Variants in NOX4 observed in about 807,000 individuals in gnomAD.
NOX4 encodes kidney oxidase-1.
A neutral mutation model predicts 87.6 loss-of-function variants in NOX4; 69 were observed. That is an observed-to-expected ratio of 0.79 (90% CI 0.65 to 0.96). NOX4 has a LOEUF of 0.96. Ranked by LOEUF, NOX4 falls within the 40% of genes least tolerant of loss-of-function variation. NOX4 has a pLI of 0.00. For missense variants in NOX4, 680 were observed against 681.5 expected (o/e 1.00, Z 0.02); for synonymous variants, 275 against 238.2 (o/e 1.15, Z -1.42).
chr11:89,371,087 T>C (rs1834489248), intron 12 of NOX4, among the ~76,000 whole-genome samples: 1 of 152,026 alleles, frequency 6.6e-6, no homozygotes, highest in African/African-American at 2.4e-5. Context: ...TTTTAATCAA[T>C]TCTTTTAGAA....
intron 12 of NOX4, among the ~76,000 whole-genome samples, chr11:89,362,636 A>G (rs112620650): frequency 3.3e-5 from 5 of 151,980 alleles, no homozygotes; most frequent in African/African-American, 1.2e-4. Context: ...GTGTGTGTGT[A>G]TATATAGATA....
intron 7 of NOX4, among the ~76,000 whole-genome samples, chr11:89,426,439 G>A (rs1397031527): frequency 6.6e-6 from 1 of 152,002 alleles, no homozygotes; most frequent in African/African-American, 2.4e-5. Context: ...CCTCACCTGG[G>A]AAGCGCAAGG....
chr11:89,518,145 CA>C, the NOX4 span, among the ~76,000 whole-genome samples: 1 of 151,872 alleles, frequency 6.6e-6, no homozygotes, highest in Non-Finnish European at 1.5e-5. Flanking sequence ...AAAGTTGAAA[CA>C]CACTTAAGAA....
the NOX4 span, among the ~76,000 whole-genome samples, chr11:89,587,108 G>A: frequency 2.0e-5 from 3 of 152,126 alleles, no homozygotes; most frequent in South Asian, 6.2e-4. Context: ...CAGAATTGTT[G>A]AGGAAAAAGA....
the NOX4 span, among the ~76,000 whole-genome samples, chr11:89,531,590 G>T: frequency 2.0e-5 from 3 of 152,164 alleles, no homozygotes; most frequent in Non-Finnish European, 4.4e-5. Context: ...GGTCATGGGG[G>T]CAGTTTTCCC....
chr11:89,521,905 T>A, the NOX4 span, among the ~76,000 whole-genome samples: 14 of 151,978 alleles, frequency 9.2e-5, no homozygotes, highest in Admixed American at 3.3e-4. Context: ...AGAAGACATA[T>A]AAGTAGCCAA....
intron 2 of NOX4, 40 bp from the exon 3 acceptor site, chr11:89,451,935 G>A (rs1212565684): frequency 1.5e-6 from 2 of 1,374,928 alleles, no homozygotes; most frequent in Non-Finnish European, 2.1e-6. Flanking sequence ...GTTAAGGACA[G>A]TAGTAAAGCC....
At chr11:89,412,528 C>T (rs1942534149) in intron 8 of NOX4, among the ~76,000 whole-genome samples, 1 of 152,018 alleles carries the variant, frequency 6.6e-6, no homozygotes, top group Admixed American at 6.6e-5. Context: ...TATACAAATA[C>T]ACAGAAATTT....
chr11:89,391,778 TGAGATTATA>T (rs964425910), intron 11 of NOX4, among the ~76,000 whole-genome samples: 3 of 149,612 alleles, frequency 2.0e-5, no homozygotes, highest in African/African-American at 7.4e-5. Flanking sequence ...AAAAAATTAA[TGAGATTATA>T]TATTAAAGAA....
At chr11:89,559,674 T>C in the NOX4 span, among the ~76,000 whole-genome samples, 3 of 152,182 alleles carry the variant, frequency 2.0e-5, no homozygotes, top group African/African-American at 4.8e-5. Context: ...TGTATTACCA[T>C]TGCTTTAAAT....
chr11:89,512,449 G>C, the NOX4 span, among the ~76,000 whole-genome samples: 5 of 151,928 alleles, frequency 3.3e-5, no homozygotes, highest in African/African-American at 1.2e-4. Context: ...TCTAGACCCT[G>C]ATAATTACCA....
chr11:89,490,506 C>G lies in NOX4; in HGVS notation c.105G>C (p.Leu35Phe). The change falls in exon 2 of 18, where the codon TTG becomes TTC. Residue 35 changes from leucine (L) to phenylalanine (F), a missense_variant. Physicochemically the swap from Leu to Phe is conservative, Grantham distance 22. Coordinates refer to ENST00000263317, the MANE Select transcript of NOX4 (RefSeq NM_016931.5). The part of the protein sequence containing the change: ...MNVLLFWKTF[L>F]LYNQGPEYHY... Reference sequence around the variant, plus strand: ...GATACTCTGGCCCTTGGTTATACAGCAAGAAGGTTTTCCAGAAAAGCAGGA... The same window carrying G: ...GATACTCTGGCCCTTGGTTATACAGGAAGAAGGTTTTCCAGAAAAGCAGGA... 6.2e-7 allele frequency: 1 copy of G among 1,614,014 alleles called. No individual in the cohort carries two copies. Among genetic ancestry groups the G allele is most frequent in the South Asian group, 1.1e-5 (1 of 91,082 alleles).
rs751855179 is a variant in NOX4 at position 89,399,974 on chromosome 11, T to C, written c.1074+43A>G. ...GGACACAAAAAAAGAAAAATATGCA[T>C]AGCACCCTACAAATGTGAAAAAGCA... On this transcript the variant is annotated intron_variant, in intron 11 of 17. Transcript: ENST00000263317. 4.8e-6 allele frequency: 7 copies of C among 1,455,900 alleles called. No individual in the cohort carries two copies. The African/African-American group carries it at 8.5e-5, about 18-fold the overall frequency. 90.2% of individuals were successfully genotyped at this position (1,455,900 alleles called of 1,614,324 possible).
the NOX4 span, among the ~76,000 whole-genome samples, chr11:89,527,941 C>T: frequency 1.3e-5 from 2 of 151,846 alleles, no homozygotes; most frequent in South Asian, 4.2e-4. Context: ...TTGCACTGTC[C>T]ACCTGGAAAA....
intron 6 of NOX4, among the ~76,000 whole-genome samples, chr11:89,435,481 T>C (rs1944037329): frequency 6.6e-6 from 1 of 152,064 alleles, no homozygotes; most frequent in Non-Finnish European, 1.5e-5. Context: ...GAAATATTAG[T>C]TTCTATTACT....
At chr11:89,486,159 G>A (rs748271622) in intron 2 of NOX4, among the ~76,000 whole-genome samples, 1 of 149,100 alleles carries the variant, frequency 6.7e-6, no homozygotes. Context: ...CTAGTTCTGA[G>A]AAGTAAATAC....
At chr11:89,449,853 A>C (rs1202001015) in intron 3 of NOX4, among the ~76,000 whole-genome samples, 1 of 152,126 alleles carries the variant, frequency 6.6e-6, no homozygotes, top group Non-Finnish European at 1.5e-5. Flanking sequence ...ACTTACCACA[A>C]ATTGTCATCA....
At position 89,428,050 on chromosome 11, in the gene NOX4, G is replaced by A. The variant is rs200273060; in HGVS notation, c.548+4734C>T. On this transcript the variant is annotated intron_variant, in intron 7 of 17. Coordinates refer to ENST00000263317, the MANE Select transcript of NOX4 (RefSeq NM_016931.5). ...CAGAAACTCTACAAGCCAGAAGAGA[G>A]TGAGGGCCAACATTCAACATTCTTA... Among the ~76,000 whole-genome samples the A allele has an allele frequency of 3.3e-5, 5 of 152,304 alleles. No homozygotes were observed. The East Asian group carries it at 9.6e-4, about 29-fold the overall frequency.
intron 2 of NOX4, among the ~76,000 whole-genome samples, chr11:89,461,985 A>G (rs1320311507): frequency 6.6e-6 from 1 of 151,784 alleles, no homozygotes; most frequent in African/African-American, 2.4e-5. Context: ...TTATTCTGCT[A>G]CTTTTGGGAA....
Sources: gnomAD v4.1 joint callset for allele counts (sites outside exome capture counted in the v4.1 genomes callset) on GRCh38, gnomAD v4.1.1 for gene constraint, MANE v1.5 for transcripts, NCBI Gene and HGNC (gene_info 2026-07-23, HGNC 2026-07-21) for gene names.